Variants in TACC1 observed in about 807,000 individuals in gnomAD.
TACC1 encodes the protein transforming acidic coiled-coil containing protein 1.
A neutral mutation model predicts 84.4 loss-of-function variants in TACC1; 48 were observed. The ratio of observed to expected loss-of-function variants is 0.57; its 90% confidence interval spans 0.45 to 0.72. The LOEUF (loss-of-function observed/expected upper bound fraction) is 0.72, where lower values mean the gene tolerates loss of function less well. Ranked by LOEUF, TACC1 falls within the 30% of genes least tolerant of loss-of-function variation. TACC1 has a pLI of 0.00. For synonymous variants in TACC1, 372 were observed against 376.3 expected, an observed-to-expected ratio of 0.99 and a Z score of 0.13; for missense variants, 920 against 973.0, an observed-to-expected ratio of 0.95 and a Z score of 0.72.
At chr8:38,761,881 T>A (rs1811273722) in intron 3 of TACC1, among the ~76,000 whole-genome samples, 1 of 152,192 alleles carries the variant, frequency 6.6e-6, no homozygotes, top group Admixed American at 6.5e-5. Flanking sequence ...AGTATTTAAC[T>A]TGGAGAAGGG....
chr8:38,754,033 A>G (rs1372666262), intron 3 of TACC1, among the ~76,000 whole-genome samples: 2 of 148,058 alleles, frequency 1.4e-5, no homozygotes, highest in Non-Finnish European at 3.0e-5. Context: ...CGTTCATTGC[A>G]ACCTCTGCCT....
chr8:38,751,339 A>G (rs1239664345), intron 3 of TACC1, among the ~76,000 whole-genome samples: 1 of 152,264 alleles, frequency 6.6e-6, no homozygotes, highest in Non-Finnish European at 1.5e-5. Flanking sequence ...GCAGTAAAGT[A>G]TAGAGGCTAA....
At chr8:38,842,552 A>T in intron 10 of TACC1, 105 bp downstream of exon 10, 1 of 1,252,996 alleles carries the variant, frequency 8.0e-7, no homozygotes, top group Non-Finnish European at 1.1e-6. Context: ...ATCCTTTTAA[A>T]TAGGAGCTCA....
intron 6 of TACC1, among the ~76,000 whole-genome samples, chr8:38,835,606 C>A (rs1158640889): frequency 1.3e-5 from 2 of 152,220 alleles, no homozygotes; most frequent in Non-Finnish European, 2.9e-5. Context: ...TCAGGATGAT[C>A]CTGAATCATC....
intron 2 of TACC1, chr8:38,802,237 C>T (rs1244900512): frequency 6.6e-6 from 1 of 152,270 alleles, no homozygotes; most frequent in African/African-American, 2.4e-5. Context: ...TAAGTTGTCT[C>T]AGTCCGTTTT....
intron 2 of TACC1, among the ~76,000 whole-genome samples, chr8:38,809,932 A>C (rs983596135): frequency 2.6e-5 from 4 of 152,098 alleles, no homozygotes; most frequent in African/African-American, 9.7e-5. Context: ...AATGGTAGTA[A>C]ATGTTTAGGA....
chr8:38,797,562 T>C (rs1820285767), intron 2 of TACC1, among the ~76,000 whole-genome samples: 1 of 152,242 alleles, frequency 6.6e-6, no homozygotes, highest in South Asian at 2.1e-4. Flanking sequence ...GCACCCAGCA[T>C]GCTGGCTGAG....
At chr8:38,783,098 CTATCTATCTATATATATATA>C (rs1468636331), upstream of TACC1, among the ~76,000 whole-genome samples, 4 of 116,382 alleles carry the variant, frequency 3.4e-5, no homozygotes, top group Non-Finnish European at 6.9e-5. Context: ...ATCTATCTAT[CTATCTATCTATATATATATA>C]TATATATATA....
intron 3 of TACC1, among the ~76,000 whole-genome samples, chr8:38,755,123 G>GCACTCCA (rs1286680829): frequency 1.5e-5 from 2 of 137,774 alleles, no homozygotes; most frequent in Admixed American, 1.6e-4. Context: ...TAGTGCCACT[G>GCACTCCA]CACTCCAGCC....
At chr8:38,838,912 T>C (rs1830711584) in intron 8 of TACC1, among the ~76,000 whole-genome samples, 1 of 152,152 alleles carries the variant, frequency 6.6e-6, no homozygotes, top group South Asian at 2.1e-4. Context: ...CTTTTTTTTT[T>C]TTGAGGCAGG....
intron 3 of TACC1, among the ~76,000 whole-genome samples, chr8:38,763,128 G>A (rs1811544634): frequency 6.6e-6 from 1 of 152,090 alleles, no homozygotes; most frequent in African/African-American, 2.4e-5. Flanking sequence ...TGGGTGCGAA[G>A]TGGTATCTCA....
intron 3 of TACC1, among the ~76,000 whole-genome samples, chr8:38,762,612 A>G (rs1182794448): frequency 2.6e-5 from 4 of 151,254 alleles, no homozygotes; most frequent in South Asian, 2.1e-4. Flanking sequence ...GCTGGAGTAC[A>G]GTGGCGTGAT....
upstream of TACC1, among the ~76,000 whole-genome samples, chr8:38,783,810 T>C (rs1816619141): frequency 6.6e-6 from 1 of 152,220 alleles, no homozygotes; most frequent in Non-Finnish European, 1.5e-5. Context: ...TATAAATGCA[T>C]TGTACACAGT....
chr8:38,793,292 A>G (rs999791432), intron 2 of TACC1, among the ~76,000 whole-genome samples: 22 of 152,214 alleles, frequency 1.4e-4, no homozygotes, highest in Non-Finnish European at 2.6e-4. Context: ...GTTTGTTGAC[A>G]CAATTTTGGT....
chr8:38,839,947 T>C (rs1395151447), intron 8 of TACC1: 2 of 251,760 alleles, frequency 7.9e-6, no homozygotes, highest in Non-Finnish European at 1.5e-5. Context: ...AGTATTCAAA[T>C]AGGTGCAAAG....
chr8:38,801,277 T>G (rs1000925321), intron 2 of TACC1, among the ~76,000 whole-genome samples: 23 of 152,370 alleles, frequency 1.5e-4, no homozygotes, highest in African/African-American at 5.5e-4. Flanking sequence ...TGATGTCATG[T>G]ATAAGAAGAT....
chr8:38,744,714 G>A (rs2151701299), intron 2 of TACC1, among the ~76,000 whole-genome samples: 1 of 149,248 alleles, frequency 6.7e-6, no homozygotes, highest in Non-Finnish European at 1.5e-5. Context: ...AGGGTCCATA[G>A]GAACTATTTT....
intron 1 of TACC1, among the ~76,000 whole-genome samples, chr8:38,733,502 A>G (rs1028097029): frequency 6.6e-6 from 1 of 152,142 alleles, no homozygotes; most frequent in East Asian, 1.9e-4. Context: ...CACTGTAGTT[A>G]TCTGTTCCCT....
In TACC1 at chr8:38,837,197, C is replaced by G. The variant is rs189121275; in HGVS notation, c.1839+910C>G. Among the ~76,000 whole-genome samples, 1,141 of 149,666 alleles carry G rather than the reference C, an allele frequency of 7.6e-3. 9 individuals carry two copies. Among genetic ancestry groups the G allele is most frequent in the Non-Finnish European group, 0.012 (835 of 67,576 alleles). ...TGGGAGGCCAAGGCGGGCGGATCAC[C>G]TGAGTTCAGGAATTCGAGACCAGAC... On this transcript the variant is annotated intron_variant, in intron 7 of 12. Transcript: ENST00000317827.
Sources: allele counts gnomAD v4.1 joint callset (sites outside exome capture counted in the v4.1 genomes callset), GRCh38; gene constraint gnomAD v4.1.1; transcripts MANE v1.5; gene names NCBI Gene and HGNC (gene_info 2026-07-23, HGNC 2026-07-21).